Variants in ARHGAP15 observed in about 807,000 individuals in gnomAD.
ARHGAP15 encodes the protein Rho GTPase activating protein 15.
ARHGAP15 carries 51 observed loss-of-function variants against 63.7 expected under a neutral mutation model. The observed-to-expected ratio is 0.80, with a 90% CI of 0.64 to 1.01. The LOEUF is 1.01. Among genes scored for constraint, ARHGAP15 ranks in the 50% least tolerant of loss-of-function variants. The pLI, the probability that ARHGAP15 is intolerant of heterozygous loss-of-function variation, is 0.00. For synonymous variants in ARHGAP15, 191 were observed against 193.8 expected, an observed-to-expected ratio of 0.99 and a Z score of 0.12; for missense variants, 560 against 564.6, an observed-to-expected ratio of 0.99 and a Z score of 0.08.
rs1682378983 is a variant in ARHGAP15 at position 143,669,008 on chromosome 2, G to A, written c.1139-34411G>A. ...TAATTGTTTTTTAACATTGGAATTG[G>A]TAACCAGGTTGAAAGTCTAAACTAT... On this transcript the variant is annotated intron_variant, in intron 12 of 13. Transcript: ENST00000295095. Among the ~76,000 whole-genome samples, 3 of 152,256 alleles carry A rather than the reference G, an allele frequency of 2.0e-5. No homozygotes were observed. The East Asian group carries it at 5.8e-4, about 29-fold the overall frequency.
In ARHGAP15 at chr2:143,724,459, T is replaced by C. The variant is rs145099001; in HGVS notation, c.1244+20935T>C. ...CTGCAACCATAGAGAGCTGTACTACTACCCCTGGTGTAAAATTGTAATTAA... is the reference window on the plus strand; with the variant it reads ...CTGCAACCATAGAGAGCTGTACTACCACCCCTGGTGTAAAATTGTAATTAA... On this transcript the variant is annotated intron_variant, in intron 13 of 13. Coordinates refer to ENST00000295095, the MANE Select transcript of ARHGAP15 (RefSeq NM_018460.4). 1.8e-4 allele frequency among the ~76,000 whole-genome samples: 27 copies of C among 152,352 alleles called. No homozygotes were observed. In the East Asian group the frequency reaches 4.2e-3, roughly 24 times the overall value.
intron 9 of ARHGAP15, 130 bp downstream of exon 9, chr2:143,487,625 T>C (rs1244289834): frequency 3.7e-6 from 4 of 1,076,182 alleles, no homozygotes; most frequent in South Asian, 4.5e-5. Context: ...TTTTCTACTC[T>C]GTAACAGAGA....
chr2:143,516,543 CT>C (rs1434433244), intron 9 of ARHGAP15, among the ~76,000 whole-genome samples: 5 of 152,162 alleles, frequency 3.3e-5, no homozygotes, highest in African/African-American at 1.2e-4. Flanking sequence ...TATTAGCCCC[CT>C]ATAATATTAC....
At chr2:143,452,235 T>C (rs1690439091) in intron 8 of ARHGAP15, among the ~76,000 whole-genome samples, 1 of 152,014 alleles carries the variant, frequency 6.6e-6, no homozygotes, top group East Asian at 1.9e-4. Flanking sequence ...GAAATAGCCA[T>C]TTTATAAGTT....
chr2:143,457,574 A>G (rs2105149415), intron 8 of ARHGAP15, among the ~76,000 whole-genome samples: 1 of 150,606 alleles, frequency 6.6e-6, no homozygotes, highest in African/African-American at 2.4e-5. Flanking sequence ...TATATTTTAC[A>G]TATTTATATT....
chr2:143,369,840 C>A (rs185942219), intron 6 of ARHGAP15, among the ~76,000 whole-genome samples: 1 of 152,086 alleles, frequency 6.6e-6, no homozygotes, highest in African/African-American at 2.4e-5. Context: ...TTTTCTTCCT[C>A]CTCCTATTAT....
At chr2:143,267,453 AGT>A (rs2105038082) in intron 6 of ARHGAP15, among the ~76,000 whole-genome samples, 1 of 152,288 alleles carries the variant, frequency 6.6e-6, no homozygotes, top group South Asian at 2.1e-4. Flanking sequence ...AAAATTTGGA[AGT>A]GTTGGGAATA....
intron 13 of ARHGAP15, among the ~76,000 whole-genome samples, chr2:143,743,419 G>A (rs1432377760): frequency 6.6e-6 from 1 of 152,216 alleles, no homozygotes; most frequent in Non-Finnish European, 1.5e-5. Context: ...CTTCGGTCAT[G>A]TGTAGGGAAG....
intron 6 of ARHGAP15, among the ~76,000 whole-genome samples, chr2:143,286,779 T>C (rs776459250): frequency 6.6e-6 from 1 of 152,202 alleles, no homozygotes; most frequent in Non-Finnish European, 1.5e-5. Context: ...AATGCATAAT[T>C]AGGCAATTTC....
intron 6 of ARHGAP15, among the ~76,000 whole-genome samples, chr2:143,433,164 A>C (rs1284792751): frequency 6.6e-6 from 1 of 152,084 alleles, no homozygotes; most frequent in East Asian, 1.9e-4. Context: ...CATTTATCAG[A>C]AATCCTAAAG....
Position 143,216,458 on chromosome 2 carries a change from T to C in ARHGAP15, c.296+13T>C. 1 of 1,565,570 alleles carries C rather than the reference T, an allele frequency of 6.4e-7. No individual in the cohort carries two copies. The highest frequency in any genetic ancestry group is 8.8e-7 in the Non-Finnish European group (1 of 1,141,176). On this transcript the variant is annotated intron_variant, in intron 4 of 13. Transcript: ENST00000295095. Reference sequence around the variant, plus strand: ...GAAAGAAACTAAGGTAATAAAATTCTTTAATTCACTTTTATATAACTATGC... The same window carrying C: ...GAAAGAAACTAAGGTAATAAAATTCCTTAATTCACTTTTATATAACTATGC...
At chr2:143,763,320 C>A (rs538517963) in intron 13 of ARHGAP15, among the ~76,000 whole-genome samples, 1 of 152,186 alleles carries the variant, frequency 6.6e-6, no homozygotes, top group South Asian at 2.1e-4. Context: ...GTAGGGAATA[C>A]GTAAGCTTCC....
At chr2:143,596,116 T>C (rs1183304946) in intron 11 of ARHGAP15, among the ~76,000 whole-genome samples, 1 of 152,112 alleles carries the variant, frequency 6.6e-6, no homozygotes, top group Non-Finnish European at 1.5e-5. Flanking sequence ...GGCATGTAGA[T>C]TCTACTAGGA....
At chr2:143,595,779 T>C (rs78923189) in intron 11 of ARHGAP15, among the ~76,000 whole-genome samples, 1,872 of 152,228 alleles carry the variant, frequency 0.012, 44 homozygotes, top group African/African-American at 0.044. Context: ...ATTTCCCATA[T>C]ACTTTTTTCT....
At chr2:143,699,021 C>G (rs1683970006) in intron 12 of ARHGAP15, among the ~76,000 whole-genome samples, 1 of 152,146 alleles carries the variant, frequency 6.6e-6, no homozygotes, top group Non-Finnish European at 1.5e-5. Flanking sequence ...CAATTGAAGA[C>G]AGTTGACACA....
intron 8 of ARHGAP15, among the ~76,000 whole-genome samples, chr2:143,456,275 C>T (rs1347685276): frequency 1.3e-5 from 2 of 151,976 alleles, no homozygotes; most frequent in Non-Finnish European, 2.9e-5. Context: ...ATATAACAGT[C>T]CATACAACTT....
chr2:143,267,303 A>T (rs1037072181), intron 6 of ARHGAP15, among the ~76,000 whole-genome samples: 1 of 152,212 alleles, frequency 6.6e-6, no homozygotes, highest in East Asian at 1.9e-4. Flanking sequence ...CACATTTAAC[A>T]TAATTTATTG....
chr2:143,263,457 T>C (rs770989555), intron 6 of ARHGAP15, among the ~76,000 whole-genome samples: 1 of 152,148 alleles, frequency 6.6e-6, no homozygotes, highest in Non-Finnish European at 1.5e-5. Context: ...TGGAAGATCA[T>C]GTAATCAGTG....
At chr2:143,713,544 T>C (rs2105446077) in intron 13 of ARHGAP15, among the ~76,000 whole-genome samples, 1 of 152,252 alleles carries the variant, frequency 6.6e-6, no homozygotes, top group East Asian at 1.9e-4. Context: ...AAGTCTTAAC[T>C]CATTCCAGCA....
Sources: allele counts gnomAD v4.1 joint callset (sites outside exome capture counted in the v4.1 genomes callset), GRCh38; gene constraint gnomAD v4.1.1; transcripts MANE v1.5; gene names NCBI Gene and HGNC (gene_info 2026-07-23, HGNC 2026-07-21).